The following MYRF variants were observed in gnomAD, a reference collection of about 807,000 sequenced individuals.
The protein encoded by MYRF is myelin regulatory factor.
A neutral mutation model predicts 126.3 loss-of-function variants in MYRF; 16 were observed. The observed-to-expected ratio is 0.13, with a 90% CI of 0.09 to 0.19. The LOEUF is 0.19. Ranked by LOEUF, MYRF falls within the 10% of genes least tolerant of loss-of-function variation. The pLI, the probability that MYRF is intolerant of heterozygous loss-of-function variation, is 1.00. For missense variants in MYRF, 1,104 were observed against 1,547.0 expected, an observed-to-expected ratio of 0.71 and a Z score of 4.80; for synonymous variants, 608 against 635.3, an observed-to-expected ratio of 0.96 and a Z score of 0.65.
At chr11:61,766,350 G>T in intron 3 of MYRF, 129 bp downstream of exon 3, 1 of 1,021,220 alleles carries the variant, frequency 9.8e-7, no homozygotes, top group Non-Finnish European at 1.4e-6. Context: ...GGCTGTGCGT[G>T]GGCAGGTGAG....
In MYRF at chr11:61,783,802, G is replaced by A; in HGVS notation, c.3120-49G>A. The A allele has an allele frequency of 6.5e-7, 1 of 1,539,370 alleles. No individual in the cohort carries two copies. Among genetic ancestry groups the A allele is most frequent in the Non-Finnish European group, 8.8e-7 (1 of 1,133,784 alleles). The stretch of plus-strand genomic sequence containing the variant: ...GGCTGAGGAGTCCCTGGTGGGGGTG[G>A]GGGGTGGCAGGGTACCCTCAGGCTA... On this transcript the variant is annotated intron_variant, in intron 23 of 26. Coordinates refer to ENST00000278836, the MANE Select transcript of MYRF (RefSeq NM_001127392.3). This position sits in a 1 kb window ranked among gnomAD's most constrained non-coding sequence, Gnocchi z 4.6.
chr11:61,753,074 G>A (rs1479800542), intron 1 of MYRF, among the ~76,000 whole-genome samples: 3 of 152,044 alleles, frequency 2.0e-5, no homozygotes, highest in East Asian at 3.9e-4. Context: ...TCCAGGACCC[G>A]GAACTTTCCC....
rs772626866 is a variant in MYRF, at chr11:61,779,822, C to T, written c.2248-20C>T. On this transcript the variant is annotated intron_variant, in intron 16 of 26. Coordinates refer to ENST00000278836, the MANE Select transcript of MYRF (RefSeq NM_001127392.3). ...CAGCCTGGCCCTCTTTGCATTTGCA[C>T]TTTTCCTCTTGGTCCTCAGTCATCG... The T allele has an allele frequency of 1.2e-6, 2 of 1,611,124 alleles. No homozygotes were observed. Among genetic ancestry groups the T allele is most frequent in the Non-Finnish European group, 1.7e-6 (2 of 1,177,720 alleles).
At position 61,779,372 on chromosome 11, in the gene MYRF, A is replaced by C. The variant is rs753366432; in HGVS notation, c.2123A>C (p.Lys708Thr). 1.2e-5 allele frequency: 19 copies of C among 1,551,218 alleles called. No homozygotes were observed. The African/African-American group carries it at 2.3e-4, about 19-fold the overall frequency. Residue 708 changes from lysine to threonine, a missense_variant, in exon 15 of 27, where the codon AAG becomes ACG. Lys to Thr is a moderately conservative substitution (Grantham distance 78). Transcript: ENST00000278836. ...GAGCGCTGGAGCCACAAGCTGGCCA[A>C]GCTGCGGCGGCTCGACAGCCTCAAG... Reference protein sequence around the residue: ...ELERWSHKLAKLRRLDSLKST... With the variant: ...ELERWSHKLATLRRLDSLKST...
chr11:61,777,686 C>T lies in MYRF; in HGVS notation c.1792-48C>T. 1 of 1,519,768 alleles carries T rather than the reference C, an allele frequency of 6.6e-7. No individual in the cohort carries two copies. The highest frequency in any genetic ancestry group is 8.9e-7 in the Non-Finnish European group (1 of 1,120,898). The allele number at this position is 1,519,768 out of a possible 1,614,324, so 94.1% of individuals were successfully genotyped here. A position where few individuals can be genotyped will look rare whatever the true frequency, so the allele number is the denominator to read the frequency against. On this transcript the variant is annotated intron_variant, in intron 12 of 26. Coordinates refer to ENST00000278836, the MANE Select transcript of MYRF (RefSeq NM_001127392.3). This position sits in a 1 kb window ranked among gnomAD's most constrained non-coding sequence, Gnocchi z 8.8. ...GCCCTCCTGGGCTCCGGGGCCTGCT[C>T]CGGGACGGCCGCAGGAGGGGTTCAT...
intron 1 of MYRF, among the ~76,000 whole-genome samples, chr11:61,765,215 G>T (rs753944895): frequency 2.0e-5 from 3 of 152,210 alleles, no homozygotes; most frequent in Non-Finnish European, 2.9e-5. Context: ...GCACCCACGG[G>T]GCTCTCGACT....
Position 61,777,133 on chromosome 11 carries a change from A to C in MYRF, c.1591-131A>C, listed in dbSNP as rs935959165. Reference sequence around the variant, plus strand: ...GTTGTCACAGTGGGAGGGACAGTTCAAGTTGGGCTTGGTGCAGTGAGAAAC... The same window carrying C: ...GTTGTCACAGTGGGAGGGACAGTTCCAGTTGGGCTTGGTGCAGTGAGAAAC... On this transcript the variant is annotated intron_variant, in intron 11 of 26. Transcript: ENST00000278836. This position sits in a 1 kb window ranked among gnomAD's most constrained non-coding sequence, Gnocchi z 8.8. 2.0e-6 allele frequency: 2 copies of C among 987,294 alleles called. No individual in the cohort carries two copies. The highest frequency in any genetic ancestry group is 3.0e-6 in the Non-Finnish European group (2 of 675,232). The allele number at this position is 987,294 out of a possible 1,614,324, so 61.2% of individuals were successfully genotyped here.
rs768365315 is a variant in MYRF at position 61,781,755 on chromosome 11, C to G, written c.2947C>G (p.Arg983Gly). 3.7e-6 allele frequency: 6 copies of G among 1,610,924 alleles called. No individual in the cohort carries two copies. Among genetic ancestry groups the G allele is most frequent in the Non-Finnish European group, 4.2e-6 (5 of 1,179,032 alleles). The change falls in exon 22 of 27, where the codon CGG becomes GGG. Residue 983 changes from arginine (R) to glycine (G), a missense_variant. This residue lies in a region of MYRF where 323 missense variants were observed against 383.1 expected (regional missense o/e 0.84). Coordinates refer to ENST00000278836, the MANE Select transcript of MYRF (RefSeq NM_001127392.3). Reference sequence around the variant, plus strand: ...CAGTCCCAGCCTTGGTTTCCATGGCCGGGCCCGCCGAGGGGCCCTCCAGTC... The same window carrying G: ...CAGTCCCAGCCTTGGTTTCCATGGCGGGGCCCGCCGAGGGGCCCTCCAGTC... The part of the protein sequence containing the change: ...KNSPSLGFHG[R>G]ARRGALQSSV...
At position 61,776,543 on chromosome 11, in the gene MYRF, T is replaced by C. The variant is rs2066388219; in HGVS notation, c.1499+111T>C. 1 of 866,976 alleles carries C rather than the reference T, an allele frequency of 1.2e-6. No individual in the cohort carries two copies. The highest frequency in any genetic ancestry group is 1.8e-6 in the Non-Finnish European group (1 of 553,634). 53.7% of individuals were successfully genotyped at this position (866,976 alleles called of 1,614,324 possible). Reference sequence around the variant, plus strand: ...CCTACAGGCTGAGCCATTTCACAGATGAGAGACCTGAGATTTAGAGCCCTT... The same window carrying C: ...CCTACAGGCTGAGCCATTTCACAGACGAGAGACCTGAGATTTAGAGCCCTT... On this transcript the variant is annotated intron_variant, in intron 10 of 26. Coordinates refer to ENST00000278836, the MANE Select transcript of MYRF (RefSeq NM_001127392.3). The surrounding 1 kb of genome is among the most constrained non-coding windows in gnomAD (Gnocchi z 4.3).
intron 8 of MYRF, among the ~76,000 whole-genome samples, chr11:61,775,639 G>A (rs1461555302): frequency 6.6e-6 from 1 of 152,068 alleles, no homozygotes; most frequent in Non-Finnish European, 1.5e-5. Context: ...GTGGGCCTAG[G>A]TGCAAGTGGA....
chr11:61,780,072 G>A (rs1470956594), intron 17 of MYRF, 142 bp downstream of exon 17: 3 of 1,189,474 alleles, frequency 2.5e-6, no homozygotes, highest in Non-Finnish European at 3.7e-6. Flanking sequence ...GGTGAGGTGG[G>A]CCTTTCTGCC....
At position 61,776,207 on chromosome 11, in the gene MYRF, A is replaced by G. The variant is rs2066377451; in HGVS notation, c.1388+75A>G. ...AAGCTGGCTTGGGAATGGAGGGGCC[A>G]GGGAGGTACCCAGGGTGTCCGCCTC... On this transcript the variant is annotated intron_variant, in intron 9 of 26. Coordinates refer to ENST00000278836, the MANE Select transcript of MYRF (RefSeq NM_001127392.3). The surrounding 1 kb of genome is among the most constrained non-coding windows in gnomAD (Gnocchi z 4.3). The G allele has an allele frequency of 1.3e-6, 2 of 1,587,370 alleles. No individual in the cohort carries two copies. Among genetic ancestry groups the G allele is most frequent in the Non-Finnish European group, 1.7e-6 (2 of 1,156,824 alleles).
intron 1 of MYRF, among the ~76,000 whole-genome samples, chr11:61,754,696 G>C (rs992571136): frequency 6.6e-6 from 1 of 152,220 alleles, no homozygotes; most frequent in East Asian, 1.9e-4. Flanking sequence ...GGCCTGGCGG[G>C]GGGAGGCTGC....
At chr11:61,755,246 C>T (rs890168551) in intron 1 of MYRF, 24 of 865,128 alleles carry the variant, frequency 2.8e-5, no homozygotes, top group African/African-American at 3.4e-5. Flanking sequence ...TGCCCTGTGC[C>T]GGTGGTGGGC....
rs1460401335 is a variant in MYRF at position 61,786,039 on chromosome 11, C to G, written c.3376-24C>G. On this transcript the variant is annotated intron_variant, in intron 26 of 26. Coordinates refer to ENST00000278836, the MANE Select transcript of MYRF (RefSeq NM_001127392.3). This position sits in a 1 kb window ranked among gnomAD's most constrained non-coding sequence, Gnocchi z 4.5. ...GCCCCGCACCCCCAGAGCCACCTCA[C>G]CTTCCCACTGCCCTTCCACCCAGGG... The G allele has an allele frequency of 6.2e-7, 1 of 1,613,456 alleles. No homozygotes were observed. Among genetic ancestry groups the G allele is most frequent in the South Asian group, 1.1e-5 (1 of 91,066 alleles).
chr11:61,753,068 G>A lies in MYRF; in HGVS notation c.46+278G>A, dbSNP rs1269000238. On this transcript the variant is annotated intron_variant, in intron 1 of 26. Coordinates refer to ENST00000278836, the MANE Select transcript of MYRF (RefSeq NM_001127392.3). ...GGTCCGGACTCCTTTGAGCCTTCCA[G>A]GACCCGGAACTTTCCCTAAATTGTG... Among the ~76,000 whole-genome samples the A allele has an allele frequency of 2.6e-5, 4 of 152,190 alleles. No individual in the cohort carries two copies. The East Asian group carries it at 7.8e-4, about 30-fold the overall frequency.
At position 61,777,977 on chromosome 11, in the gene MYRF, C is replaced by G; in HGVS notation, c.1903+132C>G. On this transcript the variant is annotated intron_variant, in intron 13 of 26. Transcript: ENST00000278836. The surrounding 1 kb of genome is among the most constrained non-coding windows in gnomAD (Gnocchi z 8.8). Reference sequence around the variant, plus strand: ...ACTGCGCCCCTGGGAATCATGCCTTCTAGAAGTCCCGCCCCTCGGACCTTG... The same window carrying G: ...ACTGCGCCCCTGGGAATCATGCCTTGTAGAAGTCCCGCCCCTCGGACCTTG... 1.4e-6 allele frequency: 1 copy of G among 723,572 alleles called. No homozygotes were observed. Among genetic ancestry groups the G allele is most frequent in the East Asian group, 2.7e-5 (1 of 36,886 alleles). 44.8% of individuals were successfully genotyped at this position (723,572 alleles called of 1,614,324 possible).
In MYRF at chr11:61,778,399, G is replaced by T; in HGVS notation, c.1923G>T (p.Val641=). 6.2e-7 allele frequency: 1 copy of T among 1,614,014 alleles called. No individual in the cohort carries two copies. Among genetic ancestry groups the T allele is most frequent in the Non-Finnish European group, 8.5e-7 (1 of 1,179,912 alleles). ...APETGVIAQE[V]KEILPEAVKD... is the part of the protein sequence containing the mutation. Reference sequence around the variant, plus strand: ...CCCCAGGTGTCATCGCTCAGGAGGTGAAGGAGATCTTGCCTGAGGCTGTGA... The same window carrying T: ...CCCCAGGTGTCATCGCTCAGGAGGTTAAGGAGATCTTGCCTGAGGCTGTGA... Residue 641 remains valine (V), a synonymous_variant, in exon 14 of 27, where the codon GTG becomes GTT. Coordinates refer to ENST00000278836, the MANE Select transcript of MYRF (RefSeq NM_001127392.3). This position sits in a 1 kb window ranked among gnomAD's most constrained non-coding sequence, Gnocchi z 4.6.
intron 14 of MYRF, 51 bp from the exon 15 acceptor site, chr11:61,779,210 CTG>C: frequency 4.0e-6 from 6 of 1,503,654 alleles, no homozygotes; most frequent in Non-Finnish European, 5.3e-6. Flanking sequence ...GCTCCCGGGG[CTG>C]ACTGGGCCCT....
Sources: gnomAD v4.1 joint callset for allele counts (sites outside exome capture counted in the v4.1 genomes callset) on GRCh38, gnomAD v4.1.1 for gene constraint, gnomAD v4.1.1 regional missense constraint, Gnocchi (gnomAD v3.1) non-coding constraint, MANE v1.5 for transcripts, NCBI Gene and HGNC (gene_info 2026-07-23, HGNC 2026-07-21) for gene names.